Variants in ZC3H7A observed in about 807,000 individuals in gnomAD.
ZC3H7A encodes zinc finger CCCH-type containing 7A, also known as zinc finger CCCH domain-containing protein 7A.
In ZC3H7A, 44 loss-of-function variants were observed where a neutral mutation model predicts 125.5. That is an observed-to-expected ratio of 0.35 (90% CI 0.28 to 0.45). The LOEUF (loss-of-function observed/expected upper bound fraction) is 0.45. Among genes scored for constraint, ZC3H7A ranks in the 20% least tolerant of loss-of-function variants. The pLI is 1.00. For synonymous variants in ZC3H7A, 399 were observed against 391.2 expected, an observed-to-expected ratio of 1.02 and a Z score of -0.23; for missense variants, 977 against 1,170.7, an observed-to-expected ratio of 0.83 and a Z score of 2.41.
At chr16:11,762,350 C>T (rs1326956097) in intron 17 of ZC3H7A, among the ~76,000 whole-genome samples, 1 of 152,076 alleles carries the variant, frequency 6.6e-6, no homozygotes, top group Non-Finnish European at 1.5e-5. Flanking sequence ...ACGAGACATG[C>T]CAGGTGGAAA....
At chr16:11,784,597 T>C (rs1411761901) in intron 1 of ZC3H7A, among the ~76,000 whole-genome samples, 2 of 152,076 alleles carry the variant, frequency 1.3e-5, no homozygotes, top group African/African-American at 4.8e-5. Context: ...GGCTCGCGCC[T>C]GTAATCCAGC....
intron 13 of ZC3H7A, 149 bp downstream of exon 13, chr16:11,767,268 T>A: frequency 1.7e-6 from 1 of 605,584 alleles, no homozygotes; most frequent in Non-Finnish European, 2.7e-6. Flanking sequence ...GCTAGGTGCG[T>A]CGTCGGCTAC....
chr16:11,785,365 G>C (rs2053241126), intron 1 of ZC3H7A, among the ~76,000 whole-genome samples: 1 of 151,586 alleles, frequency 6.6e-6, no homozygotes. Flanking sequence ...AAGCAACCGG[G>C]TGTGGTGGTG....
intron 4 of ZC3H7A, among the ~76,000 whole-genome samples, chr16:11,777,220 C>T (rs1018553529): frequency 2.0e-5 from 3 of 152,180 alleles, no homozygotes; most frequent in Admixed American, 6.5e-5. Context: ...TGTCCCTCTC[C>T]TATTCGCTCC....
At chr16:11,773,625 G>C (rs971274024) in intron 9 of ZC3H7A, among the ~76,000 whole-genome samples, 7 of 151,864 alleles carry the variant, frequency 4.6e-5, no homozygotes, top group Non-Finnish European at 1.0e-4. Context: ...GCTCACGCTT[G>C]TAATCCCAGC....
intron 20 of ZC3H7A, among the ~76,000 whole-genome samples, chr16:11,757,427 T>TGACCC (rs2052669285): frequency 7.4e-6 from 1 of 134,596 alleles, no homozygotes; most frequent in African/African-American, 2.9e-5. Context: ...GAGCTTGCAG[T>TGACCC]GACCCGAGAT....
chr16:11,786,780 CA>C (rs2141215967), intron 1 of ZC3H7A, among the ~76,000 whole-genome samples: 1 of 152,260 alleles, frequency 6.6e-6, no homozygotes, highest in East Asian at 1.9e-4. Flanking sequence ...AAGTTAAAAA[CA>C]ATTATAATAC....
intron 1 of ZC3H7A, among the ~76,000 whole-genome samples, chr16:11,790,148 G>A (rs1307622366): frequency 6.7e-6 from 1 of 149,932 alleles, no homozygotes; most frequent in East Asian, 1.9e-4. Flanking sequence ...TATTTTGCCA[G>A]CTATTGACAC....
chr16:11,795,586 C>A (rs145694954), intron 1 of ZC3H7A, among the ~76,000 whole-genome samples: 2 of 152,182 alleles, frequency 1.3e-5, no homozygotes, highest in Non-Finnish European at 2.9e-5. Context: ...CAGGCGCCTG[C>A]CACCACGCCT....
In ZC3H7A at chr16:11,761,968, C is replaced by T; in HGVS notation, c.2155G>A (p.Gly719Ser). The T allele has an allele frequency of 6.2e-7, 1 of 1,613,446 alleles. No homozygotes were observed. Among genetic ancestry groups the T allele is most frequent in the Non-Finnish European group, 8.5e-7 (1 of 1,179,876 alleles). Residue 719 changes from glycine (G) to serine (S), a missense_variant, in exon 18 of 23, where the codon GGT becomes AGT. Gly to Ser is a moderately conservative substitution (Grantham distance 56). Around this residue, in one of 3 missense-constraint regions of ZC3H7A, gnomAD observed 436 missense variants for 603.2 expected, o/e 0.72. Transcript: ENST00000355758. Reference sequence around the variant, plus strand: ...TTTTTGTCTGGTTCAATGACTTGACCGTTTCTCAGACACTGGGCGCACACA... The same window carrying T: ...TTTTTGTCTGGTTCAATGACTTGACTGTTTCTCAGACACTGGGCGCACACA... ...KFVCAQCLRN[G>S]QVIEPDKNRK... is the part of the protein sequence containing the mutation.
chr16:11,762,938 C>T, intron 16 of ZC3H7A, 191 bp from the exon 17 acceptor site: 1 of 507,962 alleles, frequency 2.0e-6, no homozygotes, highest in Non-Finnish European at 3.5e-6. Flanking sequence ...TTTGTGCCTT[C>T]TGAGGAATCT....
At chr16:11,768,234 C>G (rs932255751) in intron 12 of ZC3H7A, 81 bp downstream of exon 12, 3 of 1,269,810 alleles carry the variant, frequency 2.4e-6, no homozygotes, top group Non-Finnish European at 3.1e-6. Flanking sequence ...ATGTTGTTAA[C>G]ATGTATTTAC....
intron 1 of ZC3H7A, among the ~76,000 whole-genome samples, chr16:11,792,932 C>T (rs1028708600): frequency 5.9e-5 from 9 of 152,122 alleles, no homozygotes; most frequent in African/African-American, 2.4e-5. Context: ...AAGAAACACA[C>T]GCATGCGTGT....
At position 11,761,474 on chromosome 16, in the gene ZC3H7A, T is replaced by C. The variant is rs147590470; in HGVS notation, c.2251A>G (p.Ile751Val). The C allele has an allele frequency of 9.4e-5, 151 of 1,614,128 alleles. No homozygotes were observed. Among genetic ancestry groups the C allele is most frequent in the Non-Finnish European group, 1.2e-4 (138 of 1,180,012 alleles). ...ATGTTCATCCACTTCTTACGTTCAA[T>C]AGACATCACTCTCATCGCACGCCGG... is the stretch of plus-strand genomic sequence containing the variant. ...KDRRAMRVMSIERKKWMNIRP... is the reference protein window; with the variant it reads ...KDRRAMRVMSVERKKWMNIRP... The change falls in exon 19 of 23, where the codon ATT becomes GTT. Residue 751 changes from isoleucine (I) to valine (V), a missense_variant. Physicochemically the swap from Ile to Val is conservative, Grantham distance 29. Around this residue, in one of 3 missense-constraint regions of ZC3H7A, gnomAD observed 436 missense variants for 603.2 expected, o/e 0.72. Coordinates refer to ENST00000355758, the MANE Select transcript of ZC3H7A (RefSeq NM_014153.4).
At chr16:11,761,757 T>C (rs1041788835) in intron 18 of ZC3H7A, 153 bp downstream of exon 18, 37 of 1,122,978 alleles carry the variant, frequency 3.3e-5, no homozygotes, top group Non-Finnish European at 4.2e-5. Flanking sequence ...TACTAGGTCC[T>C]AAAAATCTCT....
chr16:11,761,534 A>G (rs2052752697), intron 18 of ZC3H7A, 23 bp from the exon 19 acceptor site: 2 of 1,612,584 alleles, frequency 1.2e-6, no homozygotes, highest in Non-Finnish European at 8.5e-7. Context: ...GAGTTCAGAA[A>G]AAAACAAAGA....
In ZC3H7A at chr16:11,762,753, G is replaced by A. The variant is rs748713399; in HGVS notation, c.2003-6C>T. Reference sequence around the variant, plus strand: ...AATAGCATCATGTGAGATACCTGGGGAATGTACAAGCCTTCCTTTAAATTA... The same window carrying A: ...AATAGCATCATGTGAGATACCTGGGAAATGTACAAGCCTTCCTTTAAATTA... On this transcript the variant is annotated splice_polypyrimidine_tract_variant and splice_region_variant and intron_variant, in intron 16 of 22. Coordinates refer to ENST00000355758, the MANE Select transcript of ZC3H7A (RefSeq NM_014153.4). 9 of 1,613,166 alleles carry A rather than the reference G, an allele frequency of 5.6e-6. No homozygotes were observed. In the African/African-American group the frequency reaches 6.7e-5, roughly 12 times the overall value.
Position 11,761,951 on chromosome 16 carries a change from T to C in ZC3H7A, c.2172A>G (p.Pro724=), listed in dbSNP as rs1196008315. The stretch of plus-strand genomic sequence containing the variant: ...CACTACAATATTTTCTGTTTTTGTC[T>C]GGTTCAATGACTTGACCGTTTCTCA... ...QCLRNGQVIE[P]DKNRKYCSAK... Residue 724 remains proline, a synonymous_variant, in exon 18 of 23, where the codon CCA becomes CCG. Transcript: ENST00000355758. The C allele has an allele frequency of 1.2e-6, 2 of 1,613,496 alleles. No homozygotes were observed. Among genetic ancestry groups the C allele is most frequent in the East Asian group, 4.5e-5 (2 of 44,868 alleles).
intron 18 of ZC3H7A, 177 bp from the exon 19 acceptor site, chr16:11,761,688 A>G (rs2052755647): frequency 1.2e-6 from 1 of 834,230 alleles, no homozygotes; most frequent in Non-Finnish European, 1.8e-6. Flanking sequence ...AACACTCCCT[A>G]CAAACTCTAA....
Sources: gnomAD v4.1 joint callset for allele counts (sites outside exome capture counted in the v4.1 genomes callset) on GRCh38, gnomAD v4.1.1 for gene constraint, gnomAD v4.1.1 regional missense constraint, MANE v1.5 for transcripts, NCBI Gene and HGNC (gene_info 2026-07-23, HGNC 2026-07-21) for gene names.